The following LPIN1 variants were observed in gnomAD, a reference collection of about 807,000 sequenced individuals.
LPIN1 encodes the protein lipin 1, also known as phosphatidate phosphatase LPIN1.
LPIN1 carries 71 observed loss-of-function variants against 107.5 expected under a neutral mutation model. That is an observed-to-expected ratio of 0.66 (90% confidence interval 0.55 to 0.80). LPIN1 has a LOEUF of 0.80. Among genes scored for constraint, LPIN1 ranks in the 30% least tolerant of loss-of-function variants. The probability of loss-of-function intolerance (pLI) is 0.00; values close to 1 mark genes in which losing one functional copy is unlikely to be tolerated. For synonymous variants in LPIN1, 445 were observed against 452.6 expected, an observed-to-expected ratio of 0.98 and a Z score of 0.21; for missense variants, 1,043 against 1,160.6, an observed-to-expected ratio of 0.90 and a Z score of 1.47.
chr2:11,747,020 A>G (rs1307987515), intron 1 of LPIN1, among the ~76,000 whole-genome samples: 2 of 152,144 alleles, frequency 1.3e-5, no homozygotes, highest in Admixed American at 6.5e-5. Flanking sequence ...CGCGGGGACT[A>G]GCTCCAGCCG....
In LPIN1 at chr2:11,784,033, G is replaced by A. The variant is rs529975760; in HGVS notation, c.1358+111G>A. 332 of 1,568,130 alleles carry A rather than the reference G, an allele frequency of 2.1e-4. No individual in the cohort carries two copies. In the South Asian group the frequency reaches 2.6e-3, roughly 12 times the overall value. ...GAAAGTGTGCAAGACAGCTGGGCGC[G>A]GTGGCTCACGCCTGTAATCCCAGCA... On this transcript the variant is annotated intron_variant, in intron 9 of 20. Coordinates refer to ENST00000674199, the MANE Select transcript of LPIN1 (RefSeq NM_001349206.2).
chr2:11,774,421 AC>A lies in LPIN1; in HGVS notation c.722+677del, dbSNP rs1288067055. 6.6e-6 allele frequency among the ~76,000 whole-genome samples: 1 copy of A among 152,218 alleles called. No individual in the cohort carries two copies. The highest frequency in any genetic ancestry group is 1.5e-5 in the Non-Finnish European group (1 of 68,038). The stretch of plus-strand genomic sequence containing the variant: ...GATGAAAATTCATTCTTGGGTGGTG[AC>A]AAAATCTTAGACGTTATAATGGTTT... On this transcript the variant is annotated intron_variant, in intron 5 of 20. Coordinates refer to ENST00000674199, the MANE Select transcript of LPIN1 (RefSeq NM_001349206.2). This position sits in a 1 kb window ranked among gnomAD's most constrained non-coding sequence, Gnocchi z 4.4.
Position 11,746,677 on chromosome 2 carries a change from T to A in LPIN1, c.-10+6T>A. The stretch of plus-strand genomic sequence containing the variant: ...GCCACGCGCGGCGCCGCTCGGTGAG[T>A]AGCCGCCGCCTCCAGCCTCCCGCTG... On this transcript the variant is annotated splice_donor_region_variant and intron_variant, in intron 1 of 20. Coordinates refer to ENST00000674199, the MANE Select transcript of LPIN1 (RefSeq NM_001349206.2). 1.0e-6 allele frequency: 1 copy of A among 983,984 alleles called. No homozygotes were observed. Among genetic ancestry groups the A allele is most frequent in the African/African-American group, 1.7e-5 (1 of 57,210 alleles). 61.0% of individuals were successfully genotyped at this position (983,984 alleles called of 1,614,324 possible). A position where few individuals can be genotyped will look rare whatever the true frequency, so the allele number is the denominator to read the frequency against.
chr2:11,704,806 C>T (rs1257420761), intron 1 of LPIN1, among the ~76,000 whole-genome samples: 3 of 152,266 alleles, frequency 2.0e-5, no homozygotes, highest in South Asian at 2.1e-4. Flanking sequence ...TTTCCTCTGC[C>T]GGGGATCCTG....
intron 17 of LPIN1, among the ~76,000 whole-genome samples, chr2:11,809,169 G>A (rs1027549081): frequency 6.8e-6 from 1 of 147,166 alleles, no homozygotes; most frequent in East Asian, 1.9e-4. Flanking sequence ...AAGGACTGTT[G>A]CCTAAAAGAT....
rs1672389228 is a variant in LPIN1 at position 11,774,741 on chromosome 2, AGT to A, written c.722+1002_722+1003del. ...TGTGAATTAGCAAGCAGCAGTCCCC[AGT>A]GTGTGCTGACATGGAGGTTGGAGAG... On this transcript the variant is annotated intron_variant, in intron 5 of 20. Transcript: ENST00000674199. The surrounding 1 kb of genome is among the most constrained non-coding windows in gnomAD (Gnocchi z 4.4). 6.6e-6 allele frequency among the ~76,000 whole-genome samples: 1 copy of A among 152,138 alleles called. No individual in the cohort carries two copies. The highest frequency in any genetic ancestry group is 1.5e-5 in the Non-Finnish European group (1 of 68,028).
At chr2:11,718,585 A>C (rs1663908356) in intron 2 of LPIN1, among the ~76,000 whole-genome samples, 1 of 152,184 alleles carries the variant, frequency 6.6e-6, no homozygotes, top group East Asian at 1.9e-4. Context: ...GGTTGAATTT[A>C]GAATTTGAGG....
chr2:11,774,592 C>G lies in LPIN1; in HGVS notation c.722+847C>G, dbSNP rs1008287423. ...ATGCCAGTGACATCCTTGGGTTATT[C>G]GTATACCTCATGCTTTAGATTCGCT... On this transcript the variant is annotated intron_variant, in intron 5 of 20. Transcript: ENST00000674199. The surrounding 1 kb of genome is among the most constrained non-coding windows in gnomAD (Gnocchi z 4.4). Among the ~76,000 whole-genome samples, 1 of 152,240 alleles carries G rather than the reference C, an allele frequency of 6.6e-6. No homozygotes were observed. Among genetic ancestry groups the G allele is most frequent in the East Asian group, 1.9e-4 (1 of 5,182 alleles).
upstream of LPIN1, chr2:11,746,156 G>A (rs1044406768): frequency 6.6e-6 from 1 of 152,438 alleles, no homozygotes; most frequent in African/African-American, 2.4e-5. Context: ...GATGGCGATA[G>A]GTCAACGCGA....
chr2:11,788,335 T>G, intron 11 of LPIN1, 52 bp from the exon 12 acceptor site: 1 of 1,423,500 alleles, frequency 7.0e-7, no homozygotes, highest in South Asian at 1.1e-5. Context: ...ATTGGAAAGG[T>G]TTTCAGTCTG....
At chr2:11,719,554 C>G (rs181399851), upstream of LPIN1, among the ~76,000 whole-genome samples, 2 of 152,326 alleles carry the variant, frequency 1.3e-5, no homozygotes, top group East Asian at 3.9e-4. Flanking sequence ...TGAAGATGCC[C>G]CTCCTGTTCT....
In LPIN1 at chr2:11,785,083, C is replaced by T. The variant is rs765703698; in HGVS notation, c.1549+7C>T. ...CACCGGGAGATCACGAAAGGTACCG[C>T]GGGCCTCGCGCGGGCGCCCTCTGGT... On this transcript the variant is annotated splice_region_variant and intron_variant, in intron 10 of 20. Coordinates refer to ENST00000674199, the MANE Select transcript of LPIN1 (RefSeq NM_001349206.2). 1.9e-6 allele frequency: 3 copies of T among 1,547,498 alleles called. No homozygotes were observed. Among genetic ancestry groups the T allele is most frequent in the Non-Finnish European group, 2.6e-6 (3 of 1,150,822 alleles).
In LPIN1 at chr2:11,786,315, G is replaced by C. The variant is rs575373882; in HGVS notation, c.1550-759G>C. Reference sequence around the variant, plus strand: ...CAGTGTCTGATGTCTGCTGGGTTTCGGTTCGGTTCAGGGTAAATAGGAGCT... The same window carrying C: ...CAGTGTCTGATGTCTGCTGGGTTTCCGTTCGGTTCAGGGTAAATAGGAGCT... On this transcript the variant is annotated intron_variant, in intron 10 of 20. Coordinates refer to ENST00000674199, the MANE Select transcript of LPIN1 (RefSeq NM_001349206.2). The surrounding 1 kb of genome is among the most constrained non-coding windows in gnomAD (Gnocchi z 4.1). 6.6e-6 allele frequency among the ~76,000 whole-genome samples: 1 copy of C among 152,138 alleles called. No individual in the cohort carries two copies. Among genetic ancestry groups the C allele is most frequent in the Non-Finnish European group, 1.5e-5 (1 of 68,020 alleles).
chr2:11,785,410 G>A (rs1194193083), intron 10 of LPIN1, among the ~76,000 whole-genome samples: 9 of 152,134 alleles, frequency 5.9e-5, no homozygotes, highest in African/African-American at 2.2e-4. Flanking sequence ...GAAGTGCGCC[G>A]GCGCCTTGGA....
intron 13 of LPIN1, among the ~76,000 whole-genome samples, chr2:11,793,425 C>T (rs1461926743): frequency 6.6e-6 from 1 of 152,190 alleles, no homozygotes; most frequent in Non-Finnish European, 1.5e-5. Context: ...CTTCAGGGGA[C>T]TGCTCCTATT....
intron 1 of LPIN1, among the ~76,000 whole-genome samples, chr2:11,731,922 GT>G (rs1214102082): frequency 6.6e-6 from 1 of 151,814 alleles, no homozygotes; most frequent in African/African-American, 2.4e-5. Context: ...GGGTTGTATG[GT>G]TTTTTTCTTG....
At chr2:11,698,818 C>T (rs1468404450) in intron 1 of LPIN1, among the ~76,000 whole-genome samples, 1 of 152,218 alleles carries the variant, frequency 6.6e-6, no homozygotes, top group Admixed American at 6.5e-5. Context: ...TATCAGCTGT[C>T]TCTCTGGTGT....
intron 1 of LPIN1, among the ~76,000 whole-genome samples, chr2:11,693,273 A>T (rs1014817488): frequency 1.3e-5 from 2 of 149,138 alleles, no homozygotes; most frequent in African/African-American, 5.1e-5. Flanking sequence ...AGCCTTGGGC[A>T]TGTTTAGCAA....
At chr2:11,737,221 A>G (rs1665876295) in intron 1 of LPIN1, among the ~76,000 whole-genome samples, 1 of 152,242 alleles carries the variant, frequency 6.6e-6, no homozygotes, top group Admixed American at 6.5e-5. Context: ...TACACTTTAT[A>G]CAAAAATTAA....
Sources: allele counts gnomAD v4.1 joint callset (sites outside exome capture counted in the v4.1 genomes callset), GRCh38; gene constraint gnomAD v4.1.1; non-coding constraint Gnocchi (gnomAD v3.1); transcripts MANE v1.5; gene names NCBI Gene and HGNC (gene_info 2026-07-23, HGNC 2026-07-21).